GABRA3: variants seen among roughly 807,000 people sequenced by gnomAD.
GABRA3 encodes the protein gamma-aminobutyric acid type A receptor subunit alpha3, also known as gamma-aminobutyric acid receptor subunit alpha-3.
A neutral mutation model predicts 30.1 loss-of-function variants in GABRA3; 10 were observed. The ratio of observed to expected loss-of-function variants is 0.33; its 90% confidence interval spans 0.20 to 0.56. The LOEUF is 0.56. GABRA3 is among the 20% of genes least tolerant of loss of function. GABRA3 has a pLI of 0.89. For synonymous variants in GABRA3, 151 were observed against 146.8 expected (o/e 1.03, Z -0.21); for missense variants, 233 against 392.0 (o/e 0.59, Z 3.42).
intron 6 of GABRA3, among the ~76,000 whole-genome samples, chrX:152,217,858 T>A (rs1325568227): frequency 9.0e-6 from 1 of 110,936 alleles, no homozygotes; most frequent in Non-Finnish European, 1.9e-5. Context: ...TCTATTCTTT[T>A]ATTTGCTTCG....
intron 6 of GABRA3, among the ~76,000 whole-genome samples, chrX:152,221,318 ATCTCTC>A (rs199942213): frequency 9.1e-6 from 1 of 110,014 alleles, no homozygotes; most frequent in African/African-American, 3.3e-5. Flanking sequence ...GTCAAGATGA[ATCTCTC>A]TCTCTGTCTC....
At chrX:152,217,908 C>T (rs187211752) in intron 6 of GABRA3, among the ~76,000 whole-genome samples, 1 of 109,345 alleles carries the variant, frequency 9.1e-6, no homozygotes, top group East Asian at 2.9e-4. Context: ...CTGATCTTTT[C>T]AAATAACTTT....
chrX:152,352,453 C>G (rs1243864499), intron 2 of GABRA3, among the ~76,000 whole-genome samples: 1 of 111,414 alleles, frequency 9.0e-6, no homozygotes, highest in Non-Finnish European at 1.9e-5. Context: ...GGGAGAAAGT[C>G]AAGATCACTG....
chrX:152,355,252 G>A (rs1393101189), intron 2 of GABRA3, among the ~76,000 whole-genome samples: 5 of 111,337 alleles, frequency 4.5e-5, no homozygotes, highest in Non-Finnish European at 9.4e-5. Flanking sequence ...TATTAGTAGT[G>A]TGGAAATATG....
At chrX:152,425,894 G>A (rs1037508340) in intron 1 of GABRA3, among the ~76,000 whole-genome samples, 1 of 110,779 alleles carries the variant, frequency 9.0e-6, no homozygotes, top group Non-Finnish European at 1.9e-5. Context: ...TGCATGGCAG[G>A]CTCCTTTTCA....
intron 3 of GABRA3, among the ~76,000 whole-genome samples, chrX:152,320,903 G>C (rs768476379): frequency 7.2e-5 from 8 of 111,474 alleles, no homozygotes; most frequent in Admixed American, 1.9e-4. Flanking sequence ...TTCCTCCCCA[G>C]CCTCCAACTC....
chrX:152,316,430 A>AT (rs1939879280), intron 3 of GABRA3, among the ~76,000 whole-genome samples: 1 of 112,089 alleles, frequency 8.9e-6, no homozygotes, highest in Admixed American at 9.4e-5. Flanking sequence ...TTTGGAAAGC[A>AT]TATTTGGGGG....
At chrX:152,259,565 C>T (rs1169867025) in intron 4 of GABRA3, among the ~76,000 whole-genome samples, 1 of 111,591 alleles carries the variant, frequency 9.0e-6, no homozygotes, top group Admixed American at 9.5e-5. Context: ...GACAGGGCAG[C>T]AGTCAGAGTT....
chrX:152,234,999 T>C (rs910725592), intron 5 of GABRA3, among the ~76,000 whole-genome samples: 6 of 111,804 alleles, frequency 5.4e-5, no homozygotes, highest in Non-Finnish European at 1.1e-4. Flanking sequence ...TTTCTAATTC[T>C]GTGAAAAAAT....
chrX:152,256,575 T>C (rs1938641089), intron 4 of GABRA3, among the ~76,000 whole-genome samples: 1 of 111,903 alleles, frequency 8.9e-6, no homozygotes, highest in African/African-American at 3.2e-5. Flanking sequence ...AACAGCAAAG[T>C]CATGAAATGG....
At chrX:152,289,584 G>A (rs1293070906) in intron 3 of GABRA3, among the ~76,000 whole-genome samples, 1 of 109,923 alleles carries the variant, frequency 9.1e-6, no homozygotes, top group African/African-American at 3.3e-5. Context: ...TGTTACATAG[G>A]CATACATGTG....
chrX:152,241,514 G>A (rs1193381423), intron 5 of GABRA3, among the ~76,000 whole-genome samples: 1 of 107,526 alleles, frequency 9.3e-6, no homozygotes, highest in East Asian at 2.9e-4. Context: ...AGGCCTCCTT[G>A]AGCTGTGGTG....
intron 5 of GABRA3, among the ~76,000 whole-genome samples, chrX:152,231,711 A>C (rs1938084246): frequency 8.9e-6 from 1 of 111,821 alleles, no homozygotes; most frequent in African/African-American, 3.2e-5. Flanking sequence ...TGTCCAAAGA[A>C]AGACCTGTTT....
At chrX:152,333,034 T>C (rs1180933340) in intron 3 of GABRA3, among the ~76,000 whole-genome samples, 1 of 111,928 alleles carries the variant, frequency 8.9e-6, no homozygotes, top group Admixed American at 9.5e-5. Context: ...GGATAAGAAC[T>C]GTGAGCTGAG....
intron 5 of GABRA3, among the ~76,000 whole-genome samples, chrX:152,242,011 G>A (rs1476717830): frequency 9.0e-6 from 1 of 111,644 alleles, no homozygotes; most frequent in South Asian, 3.8e-4. Context: ...GTTCCTATTC[G>A]GCCATCTTGG....
intron 9 of GABRA3, among the ~76,000 whole-genome samples, chrX:152,185,999 G>C (rs1937248037): frequency 9.0e-6 from 1 of 110,975 alleles, no homozygotes; most frequent in South Asian, 3.8e-4. Flanking sequence ...AATCCTCTTT[G>C]ATTCCTAATT....
intron 1 of GABRA3, among the ~76,000 whole-genome samples, chrX:152,381,891 T>C (rs1368353275): frequency 1.8e-5 from 2 of 111,784 alleles, no homozygotes; most frequent in African/African-American, 6.5e-5. Context: ...TATTGTTTTT[T>C]ATGGCTGCAT....
intron 1 of GABRA3, among the ~76,000 whole-genome samples, chrX:152,399,745 A>C (rs1242780228): frequency 8.9e-6 from 1 of 112,177 alleles, no homozygotes. Context: ...AACTAGAATC[A>C]AGATTGGAAG....
At chrX:152,222,380 T>C (rs762096146) in intron 6 of GABRA3, among the ~76,000 whole-genome samples, 1 of 107,661 alleles carries the variant, frequency 9.3e-6, no homozygotes, top group South Asian at 4.2e-4. Flanking sequence ...TACTTCCCTG[T>C]AATTCTAATT....
Sources: gnomAD v4.1 joint callset for allele counts (sites outside exome capture counted in the v4.1 genomes callset) on GRCh38, gnomAD v4.1.1 for gene constraint, MANE v1.5 for transcripts, NCBI Gene and HGNC (gene_info 2026-07-23, HGNC 2026-07-21) for gene names.